Variants in TULP2 observed in about 807,000 individuals in gnomAD.
The protein encoded by TULP2 is TUB like protein 2, also known as tubby-related protein 2.
In TULP2, 64 loss-of-function variants were observed where a neutral mutation model predicts 60.3. That is an observed-to-expected ratio of 1.06 (90% CI 0.87 to 1.31). The LOEUF (loss-of-function observed/expected upper bound fraction) is 1.31. Ranked by LOEUF, TULP2 falls within the 50% of genes most tolerant of loss-of-function variation. The pLI, the probability that TULP2 is intolerant of heterozygous loss-of-function variation, is 0.00. For synonymous variants in TULP2, 267 were observed against 265.4 expected (o/e 1.01, Z -0.06); for missense variants, 652 against 667.0 (o/e 0.98, Z 0.25).
intron 6 of TULP2, among the ~76,000 whole-genome samples, chr19:48,892,167 C>A (rs766795231): frequency 3.9e-5 from 6 of 152,228 alleles, no homozygotes; most frequent in Admixed American, 6.5e-5. Context: ...AGCACAGACC[C>A]TTTACGGGTG....
intron 11 of TULP2, 63 bp downstream of exon 11, chr19:48,883,689 ATC>A: frequency 3.9e-6 from 6 of 1,556,288 alleles, no homozygotes; most frequent in Non-Finnish European, 4.4e-6. Context: ...CTCCTCTGGG[ATC>A]TAGGAGGACC....
chr19:48,888,782 C>T (rs2037206622), intron 7 of TULP2, among the ~76,000 whole-genome samples: 2 of 151,130 alleles, frequency 1.3e-5, no homozygotes, highest in Non-Finnish European at 2.9e-5. Context: ...CCACCACGCC[C>T]AGCTAATTTT....
chr19:48,881,423 C>T (rs1404661895), intron 12 of TULP2, among the ~76,000 whole-genome samples: 1 of 147,518 alleles, frequency 6.8e-6, no homozygotes, highest in Non-Finnish European at 1.5e-5. Context: ...GCTCTGTTGC[C>T]CAGGCTGGAG....
At position 48,897,586 on chromosome 19, in the gene TULP2, C is replaced by T. The variant is rs2037294236; in HGVS notation, c.33-190G>A. ...TCTCCTGGCACTGGCCCACAGAAGC[C>T]GGGACCCAGAGATCCCAGGTCCCTC... On this transcript the variant is annotated intron_variant, in intron 2 of 12. Coordinates refer to ENST00000221399, the MANE Select transcript of TULP2 (RefSeq NM_003323.3). The surrounding 1 kb of genome is among the most constrained non-coding windows in gnomAD (Gnocchi z 4.0). 1.1e-5 allele frequency: 8 copies of T among 706,658 alleles called. No homozygotes were observed. The highest frequency in any genetic ancestry group is 7.3e-5 in the South Asian group (4 of 55,008). The allele number at this position is 706,658 out of a possible 1,614,324, so 43.8% of individuals were successfully genotyped here.
chr19:48,883,136 G>A (rs960182105), intron 11 of TULP2, among the ~76,000 whole-genome samples: 1 of 151,768 alleles, frequency 6.6e-6, no homozygotes, highest in African/African-American at 2.4e-5. Context: ...GGAGAATGGC[G>A]TGAGCCGGGG....
At chr19:48,886,012 A>G (rs1040748758) in intron 8 of TULP2, among the ~76,000 whole-genome samples, 2 of 152,116 alleles carry the variant, frequency 1.3e-5, no homozygotes, top group African/African-American at 4.8e-5. Context: ...AAGCTTCTCA[A>G]GACTTACTGG....
In TULP2 at chr19:48,897,775, C is replaced by A; in HGVS notation, c.32+62G>T. The A allele has an allele frequency of 6.4e-7, 1 of 1,559,946 alleles. No individual in the cohort carries two copies. Among genetic ancestry groups the A allele is most frequent in the Non-Finnish European group, 8.8e-7 (1 of 1,131,890 alleles). ...GCAAACATGGTTATGAAGCCAGAGC[C>A]GAGTGCACGGGGTCCCCAGCCCTTT... On this transcript the variant is annotated intron_variant, in intron 2 of 12. Transcript: ENST00000221399. The surrounding 1 kb of genome is among the most constrained non-coding windows in gnomAD (Gnocchi z 4.0).
chr19:48,886,254 C>T (rs190428431), intron 8 of TULP2, among the ~76,000 whole-genome samples: 1 of 148,872 alleles, frequency 6.7e-6, no homozygotes, highest in East Asian at 2.0e-4. Context: ...TGCAGTGAGC[C>T]GAGATCGCGC....
At chr19:48,888,568 C>T (rs1376814261) in intron 7 of TULP2, among the ~76,000 whole-genome samples, 10 of 152,184 alleles carry the variant, frequency 6.6e-5, no homozygotes, top group Admixed American at 3.9e-4. Flanking sequence ...GATCTACCCT[C>T]AAGAGAAACC....
intron 9 of TULP2, among the ~76,000 whole-genome samples, chr19:48,884,770 CAAT>C (rs959672662): frequency 3.3e-5 from 5 of 151,490 alleles, no homozygotes; most frequent in South Asian, 2.1e-4. Flanking sequence ...AACTCTGTCT[CAAT>C]AATAATAATA....
chr19:48,896,300 G>T, intron 4 of TULP2, 130 bp downstream of exon 4: 2 of 1,332,374 alleles, frequency 1.5e-6, no homozygotes, highest in East Asian at 2.6e-5. Flanking sequence ...GCTCTCCTGG[G>T]CCAAGGCCCG....
intron 6 of TULP2, among the ~76,000 whole-genome samples, chr19:48,892,504 C>G (rs1600015557): frequency 6.9e-6 from 1 of 144,456 alleles, no homozygotes; most frequent in African/African-American, 2.5e-5. Context: ...AACAGTTTTT[C>G]TTTTTTTTTT....
intron 6 of TULP2, among the ~76,000 whole-genome samples, chr19:48,892,049 A>G (rs536673658): frequency 1.3e-5 from 2 of 152,316 alleles, no homozygotes; most frequent in South Asian, 2.1e-4. Context: ...AATAGAATGT[A>G]TGGTCGGTTT....
At chr19:48,896,723 T>C in intron 3 of TULP2, 167 bp from the exon 4 acceptor site, 1 of 766,926 alleles carries the variant, frequency 1.3e-6, no homozygotes, top group Admixed American at 3.4e-5. Flanking sequence ...TCCTCCCTTA[T>C]TCCACCGTTG....
chr19:48,885,205 A>T (rs8100882), intron 9 of TULP2, among the ~76,000 whole-genome samples: 74,178 of 151,748 alleles, frequency 0.49, 21,190 homozygotes, highest in African/African-American at 0.81. Context: ...CACTCCCTCT[A>T]CCTTTTTGGA....
chr19:48,889,974 A>G (rs2037217597), intron 6 of TULP2, among the ~76,000 whole-genome samples: 1 of 152,204 alleles, frequency 6.6e-6, no homozygotes, highest in Non-Finnish European at 1.5e-5. Context: ...GGTATTGTCC[A>G]AGATTTCTCC....
chr19:48,884,770 C>CAAT (rs959672662), intron 9 of TULP2, among the ~76,000 whole-genome samples: 24 of 151,498 alleles, frequency 1.6e-4, no homozygotes, highest in Non-Finnish European at 2.8e-4. Context: ...AACTCTGTCT[C>CAAT]AATAATAATA....
intron 12 of TULP2, 67 bp from the exon 13 acceptor site, chr19:48,881,193 CT>C (rs749458605): frequency 0.14 from 41,334 of 291,716 alleles, 710 homozygotes; most frequent in African/African-American, 0.17. Context: ...AGAACTGAGA[CT>C]TTTTTTTTTT....
At chr19:48,896,804 G>A (rs1206576212) in intron 3 of TULP2, 2 of 416,244 alleles carry the variant, frequency 4.8e-6, no homozygotes, top group African/African-American at 2.1e-5. Context: ...CCTTCTAGAA[G>A]CCTTGTTCCT....
Sources: gnomAD v4.1 joint callset for allele counts (sites outside exome capture counted in the v4.1 genomes callset) on GRCh38, gnomAD v4.1.1 for gene constraint, Gnocchi (gnomAD v3.1) non-coding constraint, MANE v1.5 for transcripts, NCBI Gene and HGNC (gene_info 2026-07-23, HGNC 2026-07-21) for gene names.